Variants in TOP1MT observed in about 807,000 individuals in gnomAD.
TOP1MT encodes the protein DNA topoisomerase I, mitochondrial.
A neutral mutation model predicts 73.9 loss-of-function variants in TOP1MT; 80 were observed. That is an observed-to-expected ratio of 1.08 (90% CI 0.90 to 1.30). The LOEUF is 1.30. Among genes scored for constraint, TOP1MT ranks in the 50% most tolerant of loss-of-function variants. TOP1MT has a pLI of 0.00. For synonymous variants in TOP1MT, 338 were observed against 326.4 expected, an observed-to-expected ratio of 1.04 and a Z score of -0.38; for missense variants, 815 against 808.0, an observed-to-expected ratio of 1.01 and a Z score of -0.10.
chr8:143,309,383 G>C lies in TOP1MT; in HGVS notation c.*58C>G, dbSNP rs1004381360. ...TTATTGTACAAAATTCCCCAGTACTGCTTTAATAGTGAAAAAAACACACAC... is the reference window on the plus strand; with the variant it reads ...TTATTGTACAAAATTCCCCAGTACTCCTTTAATAGTGAAAAAAACACACAC... On this transcript the variant is annotated 3_prime_UTR_variant, in exon 14 of 14. Transcript: ENST00000329245. 14 of 1,561,058 alleles carry C rather than the reference G, an allele frequency of 9.0e-6. No individual in the cohort carries two copies. The highest frequency in any genetic ancestry group is 1.1e-5 in the Non-Finnish European group (13 of 1,140,082).
chr8:143,357,351 G>T (rs1563776835), upstream of TOP1MT, among the ~76,000 whole-genome samples: 1 of 150,078 alleles, frequency 6.7e-6, no homozygotes, highest in African/African-American at 2.5e-5. Context: ...GGTTGAGGCT[G>T]CAGTTAGCTA....
At chr8:143,333,078 A>G (rs1282021787) in intron 1 of TOP1MT, among the ~76,000 whole-genome samples, 1 of 152,208 alleles carries the variant, frequency 6.6e-6, no homozygotes, top group Non-Finnish European at 1.5e-5. Context: ...AAACCTAGAC[A>G]ACGCCTTCTT....
intron 7 of TOP1MT, 75 bp downstream of exon 7, chr8:143,323,924 C>T: frequency 6.4e-7 from 1 of 1,574,452 alleles, no homozygotes. Context: ...CGTCGCCACA[C>T]TGCACCATCC....
chr8:143,342,769 TCTTGCTC>T (rs1387397779), intron 2 of TOP1MT, among the ~76,000 whole-genome samples: 3,232 of 55,320 alleles, frequency 0.058, 216 homozygotes, highest in Non-Finnish European at 0.12. Context: ...AGAGACAGAG[TCTTGCTC>T]TATTATTATT....
At chr8:143,320,028 G>A (rs896994931) in intron 8 of TOP1MT, among the ~76,000 whole-genome samples, 4 of 151,928 alleles carry the variant, frequency 2.6e-5, no homozygotes, top group Non-Finnish European at 5.9e-5. Context: ...GGAGGCTGAG[G>A]CAGGAGAATC....
At chr8:143,324,227 C>G (rs1816641384) in intron 6 of TOP1MT, 85 bp from the exon 7 acceptor site, 12 of 1,555,416 alleles carry the variant, frequency 7.7e-6, no homozygotes, top group Non-Finnish European at 1.1e-5. Flanking sequence ...TCCCCCAAAC[C>G]TCGTGCTTCT....
chr8:143,328,411 T>C (rs1816760641), intron 3 of TOP1MT: 1 of 403,314 alleles, frequency 2.5e-6, no homozygotes, highest in African/African-American at 2.1e-5. Flanking sequence ...CGAAAGAAAA[T>C]ACTGAAATGA....
At chr8:143,327,921 A>G (rs1277328100) in intron 3 of TOP1MT, 3 of 333,102 alleles carry the variant, frequency 9.0e-6, no homozygotes, top group Non-Finnish European at 1.8e-5. Context: ...CACCTAAACC[A>G]AGCTGACCTC....
intron 1 of TOP1MT, chr8:143,332,360 G>T: frequency 1.5e-6 from 1 of 660,408 alleles, no homozygotes; most frequent in Non-Finnish European, 2.3e-6. Flanking sequence ...CCAGTGCAAA[G>T]GCCTCAGTGG....
At chr8:143,310,850 G>A (rs866375621) in intron 12 of TOP1MT, among the ~76,000 whole-genome samples, 3 of 152,242 alleles carry the variant, frequency 2.0e-5, no homozygotes, top group Admixed American at 1.3e-4. Flanking sequence ...CCCAGGGGCC[G>A]AGGGACACAT....
Position 143,325,410 on chromosome 8 carries a change from G to A in TOP1MT, c.607C>T (p.His203Tyr), listed in dbSNP as rs1816678383. 1.2e-6 allele frequency: 2 copies of A among 1,612,486 alleles called. No homozygotes were observed. Among genetic ancestry groups the A allele is most frequent in the Non-Finnish European group, 1.7e-6 (2 of 1,178,752 alleles). Residue 203 changes from histidine (H) to tyrosine (Y), a missense_variant, in exon 5 of 14, where the codon CAT (histidine) becomes TAT (tyrosine). This residue lies in a region of TOP1MT where 751 missense variants were observed against 725.4 expected (regional missense o/e 1.04). Coordinates refer to ENST00000329245, the MANE Select transcript of TOP1MT (RefSeq NM_052963.3). ...CTCTTCAGCATCCCCATCTTGGGAT[G>A]GTCGCCACGGCCACGGAACAAGCCA... ...PPGLFRGRGD[H>Y]PKMGMLKRRI...
chr8:143,309,567 G>A (rs1350060882), intron 13 of TOP1MT, 24 bp from the exon 14 acceptor site: 4 of 1,612,006 alleles, frequency 2.5e-6, no homozygotes, highest in African/African-American at 1.3e-5. Flanking sequence ...CATCAGCCCA[G>A]GCAAGCAGGC....
At chr8:143,357,623 T>C (rs920036098), upstream of TOP1MT, among the ~76,000 whole-genome samples, 2 of 151,588 alleles carry the variant, frequency 1.3e-5, no homozygotes, top group African/African-American at 4.9e-5. Context: ...TCTACAAAAA[T>C]AAAAATAAAA....
chr8:143,330,378 G>A lies in TOP1MT; in HGVS notation c.238+846C>T, dbSNP rs142602041. Among the ~76,000 whole-genome samples the A allele has an allele frequency of 8.3e-3, 1,271 of 152,336 alleles. 16 individuals carry two copies. The highest frequency in any genetic ancestry group is 0.028 in the African/African-American group (1,171 of 41,590). On this transcript the variant is annotated intron_variant, in intron 2 of 13. Transcript: ENST00000329245. ...CGCTACACCAGGCCAGGGGCACAGC[G>A]CGAGACGCTCAGTAAGGTCCCATGG...
chr8:143,346,388 C>A (rs1586783405), upstream of TOP1MT, among the ~76,000 whole-genome samples: 1 of 152,170 alleles, frequency 6.6e-6, no homozygotes, highest in East Asian at 1.9e-4. Flanking sequence ...GTTCTTGGAC[C>A]AGGCATTGCC....
chr8:143,329,342 G>A lies in TOP1MT; in HGVS notation c.360+8C>T. ...AGGACAGCTGTGGCGGCCGCCCAGGGTACCTACCTTTCGCCAGTCATTGAA... is the reference window on the plus strand; with the variant it reads ...AGGACAGCTGTGGCGGCCGCCCAGGATACCTACCTTTCGCCAGTCATTGAA... On this transcript the variant is annotated splice_region_variant and intron_variant, in intron 3 of 13. Transcript: ENST00000329245. 6.2e-7 allele frequency: 1 copy of A among 1,601,696 alleles called. No individual in the cohort carries two copies.
At chr8:143,321,839 CCACACGCACGCCA>C (rs1238650174) in intron 7 of TOP1MT, among the ~76,000 whole-genome samples, 1 of 83,590 alleles carries the variant, frequency 1.2e-5, no homozygotes, top group African/African-American at 5.1e-5. Context: ...CACACACACG[CCACACGCACGCCA>C]CACACGCATG....
chr8:143,322,653 A>G (rs763128766), intron 7 of TOP1MT, among the ~76,000 whole-genome samples: 3,426 of 65,082 alleles, frequency 0.053, 244 homozygotes, highest in Non-Finnish European at 0.062. Flanking sequence ...CCACACGCAC[A>G]CCACACACGC....
At chr8:143,310,401 T>G in intron 12 of TOP1MT, 184 bp from the exon 13 acceptor site, 1 of 508,694 alleles carries the variant, frequency 2.0e-6, no homozygotes, top group Non-Finnish European at 3.4e-6. Context: ...CCACCCCAGC[T>G]GCCAAGTCAG....
Sources: allele counts gnomAD v4.1 joint callset (sites outside exome capture counted in the v4.1 genomes callset), GRCh38; gene constraint gnomAD v4.1.1; regional missense constraint gnomAD v4.1.1; transcripts MANE v1.5; gene names NCBI Gene and HGNC (gene_info 2026-07-23, HGNC 2026-07-21).